Variants in KCND3 observed in about 807,000 individuals in gnomAD.
KCND3 encodes the protein potassium voltage-gated channel subfamily D member 3, also known as A-type voltage-gated potassium channel KCND3.
Under a neutral mutation model 51.1 loss-of-function variants are expected in KCND3, and 9 were observed. The ratio of observed to expected loss-of-function variants is 0.18; its 90% CI spans 0.11 to 0.31. The LOEUF (loss-of-function observed/expected upper bound fraction) is 0.31. KCND3 is among the 10% of genes least tolerant of loss of function. KCND3 has a pLI of 1.00. For missense variants in KCND3, 526 were observed against 903.8 expected, an observed-to-expected ratio of 0.58 and a Z score of 5.36; for synonymous variants, 349 against 368.0, an observed-to-expected ratio of 0.95 and a Z score of 0.59.
chr1:111,961,543 T>C (rs1196980486), intron 2 of KCND3, among the ~76,000 whole-genome samples: 1 of 152,156 alleles, frequency 6.6e-6, no homozygotes, highest in African/African-American at 2.4e-5. Flanking sequence ...CTGCCAGCTT[T>C]TGCCAAGCTC....
At chr1:111,976,878 T>C (rs1674660968) in intron 2 of KCND3, among the ~76,000 whole-genome samples, 1 of 152,242 alleles carries the variant, frequency 6.6e-6, no homozygotes, top group Non-Finnish European at 1.5e-5. Flanking sequence ...GCAATCATAG[T>C]GCCTGTGTAT....
chr1:111,824,085 T>A (rs1429189082), intron 2 of KCND3, among the ~76,000 whole-genome samples: 1 of 147,410 alleles, frequency 6.8e-6, no homozygotes, highest in Non-Finnish European at 1.5e-5. Flanking sequence ...TTTTTAGTTA[T>A]GCTAATAGCA....
rs576403598 is a variant in KCND3, at chr1:111,775,032, C to T, written c.*1045G>A. Reference sequence around the variant, plus strand: ...TAAATCTGTTCATTCCCTTTCTTTCCCAGAAACTGAAACTGCAAACACGAG... The same window carrying T: ...TAAATCTGTTCATTCCCTTTCTTTCTCAGAAACTGAAACTGCAAACACGAG... On this transcript the variant is annotated 3_prime_UTR_variant, in exon 8 of 8. Transcript: ENST00000302127. The T allele has an allele frequency of 1.3e-5, 2 of 152,326 alleles. No homozygotes were observed. Among genetic ancestry groups the T allele is most frequent in the African/African-American group, 4.8e-5 (2 of 41,520 alleles). 9.4% of individuals were successfully genotyped at this position (152,326 alleles called of 1,614,324 possible). A position where few individuals can be genotyped will look rare whatever the true frequency, so the allele number is the denominator to read the frequency against.
chr1:111,964,521 C>G (rs937211020), intron 2 of KCND3, among the ~76,000 whole-genome samples: 4 of 152,098 alleles, frequency 2.6e-5, no homozygotes, highest in African/African-American at 7.2e-5. Context: ...CTAGCCAGCC[C>G]CAGAGGAACA....
At chr1:111,968,909 C>A (rs1242400061) in intron 2 of KCND3, among the ~76,000 whole-genome samples, 1 of 152,108 alleles carries the variant, frequency 6.6e-6, no homozygotes, top group Admixed American at 6.5e-5. Flanking sequence ...AGCAACAAGG[C>A]TCCCTGGAAC....
intron 2 of KCND3, among the ~76,000 whole-genome samples, chr1:111,839,129 AG>A (rs1557969991): frequency 6.6e-6 from 1 of 152,224 alleles, no homozygotes; most frequent in Non-Finnish European, 1.5e-5. Flanking sequence ...ACCCAGAACG[AG>A]AATCTTGCTT....
intron 2 of KCND3, among the ~76,000 whole-genome samples, chr1:111,805,397 C>T (rs1281630888): frequency 1.3e-5 from 2 of 152,196 alleles, no homozygotes; most frequent in African/African-American, 4.8e-5. Context: ...CAGCCTTGTC[C>T]CCTCACCCTT....
chr1:111,791,925 T>C (rs910457169), intron 2 of KCND3, among the ~76,000 whole-genome samples: 2 of 152,286 alleles, frequency 1.3e-5, no homozygotes, highest in African/African-American at 2.4e-5. Flanking sequence ...AAGAGGCTGT[T>C]AAAAACCTAA....
At chr1:111,826,589 T>A (rs907753363) in intron 2 of KCND3, among the ~76,000 whole-genome samples, 4 of 152,088 alleles carry the variant, frequency 2.6e-5, no homozygotes, top group Non-Finnish European at 5.9e-5. Flanking sequence ...TCTTTCTACG[T>A]TTAATGCTTA....
chr1:111,985,383 A>T (rs1675215853), intron 1 of KCND3, among the ~76,000 whole-genome samples: 1 of 152,190 alleles, frequency 6.6e-6, no homozygotes, highest in African/African-American at 2.4e-5. Context: ...GGCGCCATTA[A>T]ACCCAGGCAG....
chr1:111,963,301 A>G (rs749272037), intron 2 of KCND3, among the ~76,000 whole-genome samples: 20 of 152,266 alleles, frequency 1.3e-4, no homozygotes, highest in Non-Finnish European at 2.5e-4. Flanking sequence ...GGAGCTAGAA[A>G]ATAGGTCCTA....
intron 2 of KCND3, among the ~76,000 whole-genome samples, chr1:111,861,844 T>C (rs1345403475): frequency 6.6e-6 from 1 of 152,226 alleles, no homozygotes; most frequent in Non-Finnish European, 1.5e-5. Context: ...TCCAGCAGCC[T>C]CTGTGGGGTC....
intron 2 of KCND3, among the ~76,000 whole-genome samples, chr1:111,849,570 C>T (rs1667713824): frequency 1.3e-5 from 2 of 152,198 alleles, no homozygotes; most frequent in Non-Finnish European, 2.9e-5. Context: ...GGGTACAATC[C>T]CATTTCTAGA....
chr1:111,814,696 C>G (rs1323153888), intron 2 of KCND3, among the ~76,000 whole-genome samples: 1 of 152,220 alleles, frequency 6.6e-6, no homozygotes, highest in Non-Finnish European at 1.5e-5. Flanking sequence ...GCTTTAGGAG[C>G]CTGAAAGTTA....
At chr1:111,844,793 C>T (rs1012525514) in intron 2 of KCND3, among the ~76,000 whole-genome samples, 1 of 152,138 alleles carries the variant, frequency 6.6e-6, no homozygotes, top group Non-Finnish European at 1.5e-5. Context: ...GAGAAGGCAG[C>T]GTTCCTCCTG....
intron 2 of KCND3, among the ~76,000 whole-genome samples, chr1:111,979,000 ATTAC>A (rs955483280): frequency 6.6e-6 from 1 of 152,198 alleles, no homozygotes; most frequent in Admixed American, 6.5e-5. Flanking sequence ...TTGCTTTCTC[ATTAC>A]TTATCTGAGT....
At chr1:111,923,133 T>G (rs1264303514) in intron 2 of KCND3, among the ~76,000 whole-genome samples, 3 of 152,198 alleles carry the variant, frequency 2.0e-5, no homozygotes, top group African/African-American at 4.8e-5. Flanking sequence ...ATATATGGCC[T>G]CTAAGGCCTC....
At chr1:111,904,754 C>G (rs907983873) in intron 2 of KCND3, among the ~76,000 whole-genome samples, 2 of 152,194 alleles carry the variant, frequency 1.3e-5, no homozygotes, top group Admixed American at 6.5e-5. Flanking sequence ...CACCTGCCGC[C>G]GATTGGCTCT....
intron 2 of KCND3, among the ~76,000 whole-genome samples, chr1:111,930,225 G>A (rs1321709319): frequency 6.6e-6 from 1 of 151,918 alleles, no homozygotes; most frequent in Non-Finnish European, 1.5e-5. Flanking sequence ...AAACTGAGGT[G>A]ACAAGGAACA....
Sources: gnomAD v4.1 joint callset for allele counts (sites outside exome capture counted in the v4.1 genomes callset) on GRCh38, gnomAD v4.1.1 for gene constraint, MANE v1.5 for transcripts, NCBI Gene and HGNC (gene_info 2026-07-23, HGNC 2026-07-21) for gene names.